ALK: variants seen among roughly 807,000 people sequenced by gnomAD.
ALK encodes ALK tyrosine kinase receptor.
Under a neutral mutation model 163.1 loss-of-function variants are expected in ALK, and 74 were observed. That is an observed-to-expected ratio of 0.45 (90% confidence interval 0.38 to 0.55). The LOEUF (loss-of-function observed/expected upper bound fraction) is 0.55. Among genes scored for constraint, ALK ranks in the 20% least tolerant of loss-of-function variants. ALK has a pLI of 0.00. For missense variants in ALK, 2,063 were observed against 2,105.3 expected (o/e 0.98, Z 0.39); for synonymous variants, 960 against 843.2 (o/e 1.14, Z -2.40).
At chr2:29,644,722 TAA>T (rs78044734) in intron 3 of ALK, among the ~76,000 whole-genome samples, 1 of 151,550 alleles carries the variant, frequency 6.6e-6, no homozygotes, top group African/African-American at 2.4e-5. Flanking sequence ...TGGAAGACCT[TAA>T]AAAAAAACAA....
intron 1 of ALK, among the ~76,000 whole-genome samples, chr2:29,788,416 G>C (rs1664099397): frequency 6.6e-6 from 1 of 152,214 alleles, no homozygotes; most frequent in Non-Finnish European, 1.5e-5. Flanking sequence ...CTGCTGTGGA[G>C]ACCAGGAGCA....
At chr2:29,552,918 G>C (rs1361341405) in intron 3 of ALK, among the ~76,000 whole-genome samples, 2 of 152,136 alleles carry the variant, frequency 1.3e-5, no homozygotes, top group Non-Finnish European at 2.9e-5. Context: ...TTCTGAAGCT[G>C]TTCTCAATGC....
chr2:29,221,709 A>C lies in ALK; in HGVS notation c.3515+635T>G, dbSNP rs564360063. Among the ~76,000 whole-genome samples, 68 of 152,182 alleles carry C rather than the reference A, an allele frequency of 4.5e-4. 1 individual carries two copies. Among genetic ancestry groups the C allele is most frequent in the Non-Finnish European group, 8.8e-4 (60 of 68,032 alleles). On this transcript the variant is annotated intron_variant, in intron 22 of 28. Transcript: ENST00000389048. ...CCCCTGCCACTTCCACCAAGGGGAC[A>C]TCCCAGTCTGCCCCCACCTGTCAGG...
chr2:29,765,028 C>T (rs527463563), intron 1 of ALK, among the ~76,000 whole-genome samples: 8 of 152,300 alleles, frequency 5.3e-5, no homozygotes, highest in Admixed American at 2.0e-4. Context: ...CTTGCTTCTG[C>T]TCTGGCCACA....
chr2:29,602,658 G>A (rs1675411492), intron 3 of ALK, among the ~76,000 whole-genome samples: 1 of 152,136 alleles, frequency 6.6e-6, no homozygotes, highest in Non-Finnish European at 1.5e-5. Context: ...CCTCCCTCAG[G>A]GGAGGTACAA....
chr2:29,371,561 CAA>C (rs532777885), intron 5 of ALK, among the ~76,000 whole-genome samples: 2 of 152,324 alleles, frequency 1.3e-5, no homozygotes, highest in South Asian at 4.1e-4. Flanking sequence ...ACCAAACAAA[CAA>C]AACAAATCAA....
At chr2:29,278,783 A>G (rs1057126466) in intron 9 of ALK, among the ~76,000 whole-genome samples, 3 of 152,246 alleles carry the variant, frequency 2.0e-5, no homozygotes, top group African/African-American at 7.2e-5. Context: ...AGGAAGGCAC[A>G]GCTGCCTGGC....
At chr2:29,906,672 G>A (rs886631228) in intron 1 of ALK, among the ~76,000 whole-genome samples, 2 of 152,260 alleles carry the variant, frequency 1.3e-5, no homozygotes, top group East Asian at 3.9e-4. Context: ...AACCTGGATC[G>A]TGTTATCTGA....
At chr2:29,634,215 A>G (rs1178872866) in intron 3 of ALK, among the ~76,000 whole-genome samples, 1 of 151,602 alleles carries the variant, frequency 6.6e-6, no homozygotes, top group Non-Finnish European at 1.5e-5. Flanking sequence ...CTCCTGCCTC[A>G]CCCTCTCGAA....
Position 29,209,434 on chromosome 2 carries a change from C to G in ALK, c.3836+352G>C, listed in dbSNP as rs1047543426. On this transcript the variant is annotated intron_variant, in intron 25 of 28. Transcript: ENST00000389048. ...GTGCATGCCTGTAATCCCAGCTACT[C>G]GAGAAGCTGAGGCAGGAAAATCGCT... Among the ~76,000 whole-genome samples, 4 of 150,730 alleles carry G rather than the reference C, an allele frequency of 2.7e-5. No individual in the cohort carries two copies. The Admixed American group carries it at 2.7e-4, about 10-fold the overall frequency.
At chr2:29,738,139 T>C (rs1487590525) in intron 1 of ALK, among the ~76,000 whole-genome samples, 1 of 151,956 alleles carries the variant, frequency 6.6e-6, no homozygotes, top group East Asian at 1.9e-4. Context: ...TTATACTCAT[T>C]CAATTATTCA....
At chr2:29,758,601 C>G (rs900935396) in intron 1 of ALK, among the ~76,000 whole-genome samples, 8 of 152,172 alleles carry the variant, frequency 5.3e-5, no homozygotes, top group Non-Finnish European at 8.8e-5. Flanking sequence ...AATACAGGCA[C>G]CTGGCCCTCT....
At chr2:29,343,814 A>G (rs533549569) in intron 5 of ALK, among the ~76,000 whole-genome samples, 12 of 152,318 alleles carry the variant, frequency 7.9e-5, no homozygotes, top group African/African-American at 2.6e-4. Context: ...CAGATGGCAC[A>G]AAGGGCTGCT....
intron 4 of ALK, among the ~76,000 whole-genome samples, chr2:29,508,332 G>T (rs1361629425): frequency 6.6e-6 from 1 of 152,152 alleles, no homozygotes; most frequent in Non-Finnish European, 1.5e-5. Flanking sequence ...TGCAGAAAAT[G>T]TGGCACATAT....
At chr2:29,914,614 T>C (rs4340465) in intron 1 of ALK, among the ~76,000 whole-genome samples, 52,205 of 152,168 alleles carry the variant, frequency 0.34, 10,586 homozygotes, top group Middle Eastern at 0.47. Flanking sequence ...CCTTGAACTA[T>C]TACTATCCCC....
intron 2 of ALK, among the ~76,000 whole-genome samples, chr2:29,698,380 G>T (rs1359952516): frequency 6.6e-6 from 1 of 152,176 alleles, no homozygotes; most frequent in African/African-American, 2.4e-5. Context: ...TCTAGGGAGG[G>T]TCAAAAAGAC....
chr2:29,835,154 A>C (rs1288718637), intron 1 of ALK, among the ~76,000 whole-genome samples: 1 of 152,240 alleles, frequency 6.6e-6, no homozygotes, highest in Non-Finnish European at 1.5e-5. Flanking sequence ...CTAGCAAATA[A>C]TAAGTAGCAA....
At chr2:29,321,857 C>T (rs567873037) in intron 6 of ALK, among the ~76,000 whole-genome samples, 2 of 152,200 alleles carry the variant, frequency 1.3e-5, no homozygotes, top group Non-Finnish European at 2.9e-5. Context: ...ACAAAGGGCA[C>T]GTCATCTTTT....
chr2:29,289,876 G>A (rs1665973484), intron 9 of ALK, among the ~76,000 whole-genome samples: 1 of 152,152 alleles, frequency 6.6e-6, no homozygotes, highest in Admixed American at 6.5e-5. Context: ...TGGGAAGCAA[G>A]GAGCCCCAAC....
Sources: allele counts gnomAD v4.1 joint callset (sites outside exome capture counted in the v4.1 genomes callset), GRCh38; gene constraint gnomAD v4.1.1; transcripts MANE v1.5; gene names NCBI Gene and HGNC (gene_info 2026-07-23, HGNC 2026-07-21).